ZCCHC14: variants seen among roughly 807,000 people sequenced by gnomAD.
ZCCHC14 encodes the protein zinc finger CCHC-type containing 14.
A neutral mutation model predicts 85.0 loss-of-function variants in ZCCHC14; 16 were observed. The ratio of observed to expected loss-of-function variants is 0.19; its 90% CI spans 0.13 to 0.29. The LOEUF (loss-of-function observed/expected upper bound fraction) is 0.29. Ranked by LOEUF, ZCCHC14 falls within the 10% of genes least tolerant of loss-of-function variation. ZCCHC14 has a pLI of 1.00. For missense variants in ZCCHC14, 1,303 were observed against 1,443.5 expected, an observed-to-expected ratio of 0.90 and a Z score of 1.58; for synonymous variants, 775 against 630.7, an observed-to-expected ratio of 1.23 and a Z score of -3.43.
chr16:87,417,279 T>G (rs1295765863), intron 8 of ZCCHC14, among the ~76,000 whole-genome samples, 181 bp downstream of exon 8: 1 of 152,222 alleles, frequency 6.6e-6, no homozygotes, highest in Non-Finnish European at 1.5e-5. Context: ...ATGTCCTGTT[T>G]GTGGCTGGCT....
chr16:87,412,800 T>A lies in ZCCHC14; in HGVS notation c.1921A>T (p.Ile641Phe), dbSNP rs1191083990. 2 of 1,612,702 alleles carry A rather than the reference T, an allele frequency of 1.2e-6. No homozygotes were observed. The highest frequency in any genetic ancestry group is 1.7e-6 in the Non-Finnish European group (2 of 1,179,230). ...GAATTCAGCATGCGGATGGGTGTGA[T>A]GTGTGAGGCTGCGCTCAGCATCTGC... is the stretch of plus-strand genomic sequence containing the variant. ...PPQMLSAASH[I>F]TPIRMLNSVH... The change falls in exon 12 of 13, where the codon ATC becomes TTC. Residue 641 changes from isoleucine to phenylalanine, a missense_variant. By Grantham distance (21) the Ile-to-Phe change is conservative (BLOSUM62 0). This residue lies in a region of ZCCHC14 where 797 missense variants were observed against 730.8 expected (regional missense o/e 1.09). Transcript: ENST00000671377.
At chr16:87,436,482 G>A (rs565939655) in intron 2 of ZCCHC14, among the ~76,000 whole-genome samples, 2 of 152,238 alleles carry the variant, frequency 1.3e-5, no homozygotes, top group Non-Finnish European at 1.5e-5. Context: ...TAGTGCGGGG[G>A]CTGGGTGACC....
At chr16:87,444,970 G>A (rs1307916730) in intron 2 of ZCCHC14, among the ~76,000 whole-genome samples, 1 of 152,096 alleles carries the variant, frequency 6.6e-6, no homozygotes, top group Non-Finnish European at 1.5e-5. Flanking sequence ...GGGGATGTTG[G>A]GGGATCAGAT....
intron 2 of ZCCHC14, among the ~76,000 whole-genome samples, chr16:87,439,413 G>A (rs780101854): frequency 3.7e-4 from 56 of 152,274 alleles, no homozygotes; most frequent in Non-Finnish European, 6.8e-4. Flanking sequence ...GATTACAGGC[G>A]TGAGCCACTG....
At chr16:87,417,426 C>G in intron 8 of ZCCHC14, 34 bp downstream of exon 8, 3 of 1,603,936 alleles carry the variant, frequency 1.9e-6, no homozygotes, top group Non-Finnish European at 2.6e-6. Context: ...AACAATCTAG[C>G]AATTCTGTAC....
At chr16:87,471,530 C>G (rs1911772371) in intron 1 of ZCCHC14, 1 of 152,272 alleles carries the variant, frequency 6.6e-6, no homozygotes, top group East Asian at 1.9e-4. Flanking sequence ...ATGCAAATCT[C>G]TTTCACAAAT....
chr16:87,469,870 G>A (rs576010702), intron 1 of ZCCHC14, among the ~76,000 whole-genome samples: 16 of 152,206 alleles, frequency 1.1e-4, no homozygotes, highest in East Asian at 7.8e-4. Context: ...CCCCAGCTCC[G>A]TGTTCCCTGC....
intron 1 of ZCCHC14, among the ~76,000 whole-genome samples, chr16:87,462,324 C>T (rs1020354314): frequency 6.6e-6 from 1 of 152,166 alleles, no homozygotes; most frequent in Non-Finnish European, 1.5e-5. Context: ...TCCTTTCCCA[C>T]TAAACAAGAT....
chr16:87,455,606 A>G (rs1319930673), intron 2 of ZCCHC14, among the ~76,000 whole-genome samples: 1 of 152,210 alleles, frequency 6.6e-6, no homozygotes, highest in African/African-American at 2.4e-5. Context: ...ACCATCACTC[A>G]AATGATTCTC....
intron 1 of ZCCHC14, chr16:87,467,730 C>A (rs1911593004): frequency 1.6e-6 from 1 of 609,856 alleles, no homozygotes; most frequent in African/African-American, 1.8e-5. Context: ...TGGCTCACTG[C>A]AAGCTCCGCC....
chr16:87,477,621 C>T (rs1260063076), intron 1 of ZCCHC14, among the ~76,000 whole-genome samples: 3 of 152,206 alleles, frequency 2.0e-5, no homozygotes, highest in Admixed American at 2.0e-4. Context: ...ATTATTTATA[C>T]TTAACCCCTC....
chr16:87,457,566 T>C (rs961352507), intron 2 of ZCCHC14, among the ~76,000 whole-genome samples: 4 of 152,228 alleles, frequency 2.6e-5, no homozygotes, highest in East Asian at 1.9e-4. Flanking sequence ...TGTTCAAGTA[T>C]ATAAAAGCTT....
chr16:87,414,935 A>C (rs541010761), intron 9 of ZCCHC14, among the ~76,000 whole-genome samples: 17 of 152,200 alleles, frequency 1.1e-4, no homozygotes, highest in Admixed American at 9.8e-4. Flanking sequence ...ACAAAAAATT[A>C]GCCAGGCGTG....
At chr16:87,446,167 C>CAAAAAAAAAAAAAAAAAGAAAA (rs1910428123) in intron 2 of ZCCHC14, among the ~76,000 whole-genome samples, 1 of 54,190 alleles carries the variant, frequency 1.8e-5, no homozygotes. Flanking sequence ...AACTCCGTCT[C>CAAAAAAAAAAAAAAAAAGAAAA]AAAAAAAAAA....
intron 2 of ZCCHC14, among the ~76,000 whole-genome samples, chr16:87,446,121 C>T (rs1039404570): frequency 6.0e-5 from 9 of 149,310 alleles, no homozygotes; most frequent in Non-Finnish European, 8.9e-5. Context: ...GAGCCAAGAT[C>T]GCGCCATTGC....
Position 87,411,716 on chromosome 16 carries a change from C to A in ZCCHC14, c.3005G>T (p.Ser1002Ile). The change falls in exon 12 of 13, where the codon AGT (serine) becomes ATT (isoleucine). Residue 1002 changes from serine to isoleucine, a missense_variant. Ser to Ile is a moderately radical substitution (Grantham distance 142). Around this residue, in one of 7 missense-constraint regions of ZCCHC14, gnomAD observed 797 missense variants for 730.8 expected, o/e 1.09. Coordinates refer to ENST00000671377, the MANE Select transcript of ZCCHC14 (RefSeq NM_015144.3). The stretch of plus-strand genomic sequence containing the variant: ...TGGCACGGCAAACGTGGACTGCCCA[C>A]TCAGGACAGGGTCTGGGGTCCCGCT... ...SSSGTPDPVL[S>I]GQSTFAVPPM... 1.9e-6 allele frequency: 3 copies of A among 1,614,106 alleles called. No homozygotes were observed. Among genetic ancestry groups the A allele is most frequent in the Non-Finnish European group, 2.5e-6 (3 of 1,180,032 alleles).
At chr16:87,428,024 T>C (rs1450547072) in intron 3 of ZCCHC14, among the ~76,000 whole-genome samples, 1 of 151,802 alleles carries the variant, frequency 6.6e-6, no homozygotes, top group Non-Finnish European at 1.5e-5. Flanking sequence ...GTGATGCTCC[T>C]GCCTCAGCTG....
In ZCCHC14 at chr16:87,415,169, C is replaced by G. The variant is rs1908719483; in HGVS notation, c.1475+107G>C. On this transcript the variant is annotated intron_variant, in intron 9 of 12. Coordinates refer to ENST00000671377, the MANE Select transcript of ZCCHC14 (RefSeq NM_015144.3). Reference sequence around the variant, plus strand: ...GCATGGCTAAGGACTGGATAAGCAACAGGAACTAATCCAATCACTAGTATT... The same window carrying G: ...GCATGGCTAAGGACTGGATAAGCAAGAGGAACTAATCCAATCACTAGTATT... 6 of 857,896 alleles carry G rather than the reference C, an allele frequency of 7.0e-6. No individual in the cohort carries two copies. In the South Asian group the frequency reaches 8.9e-5, roughly 13 times the overall value. The allele number at this position is 857,896 out of a possible 1,614,324, so 53.1% of individuals were successfully genotyped here.
intron 8 of ZCCHC14, among the ~76,000 whole-genome samples, chr16:87,416,130 T>G (rs1908771748): frequency 6.6e-6 from 1 of 152,080 alleles, no homozygotes; most frequent in Admixed American, 6.5e-5. Context: ...TTCACCATCT[T>G]GGCCAGGCTG....
Sources: gnomAD v4.1 joint callset for allele counts (sites outside exome capture counted in the v4.1 genomes callset) on GRCh38, gnomAD v4.1.1 for gene constraint, gnomAD v4.1.1 regional missense constraint, MANE v1.5 for transcripts, NCBI Gene and HGNC (gene_info 2026-07-23, HGNC 2026-07-21) for gene names.